SPTBN1: variants seen among roughly 807,000 people sequenced by gnomAD.
SPTBN1 encodes spectrin beta, non-erythrocytic 1, also known as spectrin beta chain, non-erythrocytic 1.
In SPTBN1, 32 loss-of-function variants were observed where a neutral mutation model predicts 266.4. That is an observed-to-expected ratio of 0.12 (90% CI 0.09 to 0.16). The LOEUF is 0.16. Among genes scored for constraint, SPTBN1 ranks in the 10% least tolerant of loss-of-function variants. The probability of loss-of-function intolerance (pLI) is 1.00; values close to 1 mark genes in which losing one functional copy is unlikely to be tolerated. For missense variants in SPTBN1, 2,296 were observed against 3,067.1 expected, an observed-to-expected ratio of 0.75 and a Z score of 5.94; for synonymous variants, 1,336 against 1,162.2, an observed-to-expected ratio of 1.15 and a Z score of -3.04.
At chr2:54,467,976 C>G (rs1387604951) in intron 1 of SPTBN1, among the ~76,000 whole-genome samples, 3 of 152,132 alleles carry the variant, frequency 2.0e-5, no homozygotes, top group Non-Finnish European at 1.5e-5. Context: ...ATTAAAATCA[C>G]TAGATACTAT....
chr2:54,622,573 C>A (rs1489106589), intron 9 of SPTBN1, 86 bp downstream of exon 9: 2 of 1,474,928 alleles, frequency 1.4e-6, no homozygotes, highest in Non-Finnish European at 1.9e-6. Context: ...TTTCTGTAAT[C>A]TCATCTCTTA....
At chr2:54,481,445 GT>G (rs1668101854) in intron 1 of SPTBN1, among the ~76,000 whole-genome samples, 3 of 138,844 alleles carry the variant, frequency 2.2e-5, no homozygotes, top group Admixed American at 7.3e-5. Flanking sequence ...TGTGTGTTTT[GT>G]TTTGTTTGTT....
intron 6 of SPTBN1, 126 bp downstream of exon 6, chr2:54,617,814 C>G (rs751069810): frequency 8.2e-5 from 72 of 880,128 alleles, no homozygotes; most frequent in Non-Finnish European, 1.2e-4. Flanking sequence ...TTTCTGCATT[C>G]CATGTGAGGA....
In SPTBN1 at chr2:54,631,350, C is replaced by T. The variant is rs2103940767; in HGVS notation, c.3303C>T (p.Leu1101=). 6.2e-7 allele frequency: 1 copy of T among 1,614,250 alleles called. No individual in the cohort carries two copies. ...CCCTGACCGAGGCTGAGAAGCTGCT[C>T]ACGCAGCACGAGAACATCAAGAACG... ...PNTLTEAEKL[L]TQHENIKNEI... is the part of the protein sequence containing the mutation. The change falls in exon 16 of 36, where the codon CTC becomes CTT. Residue 1101 remains leucine (L), a synonymous_variant. Transcript: ENST00000356805.
At chr2:54,576,160 T>G (rs1016369588) in intron 2 of SPTBN1, among the ~76,000 whole-genome samples, 2 of 149,830 alleles carry the variant, frequency 1.3e-5, no homozygotes, top group Non-Finnish European at 1.5e-5. Context: ...GTTCAAGCGT[T>G]TCTCCTGCCT....
intron 1 of SPTBN1, among the ~76,000 whole-genome samples, chr2:54,486,742 A>AG (rs1358904622): frequency 1.3e-5 from 2 of 152,024 alleles, no homozygotes; most frequent in Non-Finnish European, 2.9e-5. Flanking sequence ...AAATTAAAAA[A>AG]AAAAAAAGAA....
intron 34 of SPTBN1, 130 bp downstream of exon 34, chr2:54,666,218 T>C: frequency 9.8e-7 from 1 of 1,020,594 alleles, no homozygotes; most frequent in African/African-American, 1.6e-5. Context: ...CCCAATAAAG[T>C]GAAAAACCAG....
chr2:54,558,430 C>G lies in SPTBN1; in HGVS notation c.148+31864C>G. 1 of 1,022,762 alleles carries G rather than the reference C, an allele frequency of 9.8e-7. No individual in the cohort carries two copies. Among genetic ancestry groups the G allele is most frequent in the Non-Finnish European group, 1.2e-6 (1 of 854,684 alleles). The allele number at this position is 1,022,762 out of a possible 1,614,324, so 63.4% of individuals were successfully genotyped here. ...TGCGCCCGCGAGCTCCCGGGCTCGG[C>G]AACCGTGGCATGCTTAGGATTGGCC... On this transcript the variant is annotated intron_variant, in intron 2 of 35. Coordinates refer to ENST00000356805, the MANE Select transcript of SPTBN1 (RefSeq NM_003128.3). This position sits in a 1 kb window ranked among gnomAD's most constrained non-coding sequence, Gnocchi z 4.6.
chr2:54,479,285 A>C (rs898927116), intron 1 of SPTBN1, among the ~76,000 whole-genome samples: 1 of 152,196 alleles, frequency 6.6e-6, no homozygotes, highest in Non-Finnish European at 1.5e-5. Flanking sequence ...CTCCCCCCCA[A>C]GTTGGTTTGT....
chr2:54,639,983 A>G (rs1473173775), intron 18 of SPTBN1, among the ~76,000 whole-genome samples: 1 of 152,102 alleles, frequency 6.6e-6, no homozygotes, highest in Non-Finnish European at 1.5e-5. Context: ...TAGTACAGCC[A>G]TAGTGTCTGT....
intron 4 of SPTBN1, among the ~76,000 whole-genome samples, chr2:54,614,258 C>T (rs1677424378): frequency 6.6e-6 from 1 of 152,058 alleles, no homozygotes; most frequent in Non-Finnish European, 1.5e-5. Context: ...TGTAGATATC[C>T]AGCATATCTA....
intron 2 of SPTBN1, among the ~76,000 whole-genome samples, chr2:54,550,200 C>G (rs953155170): frequency 1.3e-5 from 2 of 152,178 alleles, no homozygotes; most frequent in Admixed American, 6.5e-5. Flanking sequence ...AATCTGGAGC[C>G]TGCCTCCTAC....
chr2:54,618,275 C>G, intron 7 of SPTBN1, 82 bp downstream of exon 7: 2 of 1,212,410 alleles, frequency 1.6e-6, no homozygotes, highest in Non-Finnish European at 2.3e-6. Context: ...TTGTGTCAGT[C>G]TGTTTCATTT....
chr2:54,657,258 A>AC lies in SPTBN1; in HGVS notation c.6047-586dup, dbSNP rs1316856180. ...TTCCCATATCCTTCCCTCCCTCTAA[A>AC]CCCCCCAAAATAAAACACACAACTA... is the stretch of plus-strand genomic sequence containing the variant. On this transcript the variant is annotated intron_variant, in intron 29 of 35. Coordinates refer to ENST00000356805, the MANE Select transcript of SPTBN1 (RefSeq NM_003128.3). Among the ~76,000 whole-genome samples, 11 of 151,848 alleles carry AC rather than the reference A, an allele frequency of 7.2e-5. 1 individual carries two copies. The highest frequency in any genetic ancestry group is 2.4e-4 in the African/African-American group (10 of 41,286).
At chr2:54,562,986 C>G (rs1673419717) in intron 2 of SPTBN1, among the ~76,000 whole-genome samples, 1 of 152,096 alleles carries the variant, frequency 6.6e-6, no homozygotes, top group Non-Finnish European at 1.5e-5. Flanking sequence ...TCAGAGCTTT[C>G]TATATGGAAT....
At chr2:54,474,760 G>A (rs1356930703) in intron 1 of SPTBN1, among the ~76,000 whole-genome samples, 1 of 152,160 alleles carries the variant, frequency 6.6e-6, no homozygotes, top group Non-Finnish European at 1.5e-5. Context: ...TGGGGGAGGG[G>A]AGAATGGATG....
intron 31 of SPTBN1, among the ~76,000 whole-genome samples, 174 bp from the exon 32 acceptor site, chr2:54,659,762 T>G (rs192364268): frequency 6.6e-6 from 1 of 152,338 alleles, no homozygotes; most frequent in Non-Finnish European, 1.5e-5. Context: ...GTCGTATTTT[T>G]CTGTCTAGAG....
At chr2:54,636,395 A>G (rs1378459872) in intron 17 of SPTBN1, among the ~76,000 whole-genome samples, 1 of 152,236 alleles carries the variant, frequency 6.6e-6, no homozygotes, top group Non-Finnish European at 1.5e-5. Flanking sequence ...GTAAATATGT[A>G]TAATTTCTAC....
At chr2:54,469,674 C>T (rs543997708) in intron 1 of SPTBN1, among the ~76,000 whole-genome samples, 52 of 152,294 alleles carry the variant, frequency 3.4e-4, no homozygotes, top group African/African-American at 1.2e-3. Context: ...GTGGTCCCAG[C>T]GGCCTAGGTT....
Sources: allele counts gnomAD v4.1 joint callset (sites outside exome capture counted in the v4.1 genomes callset), GRCh38; gene constraint gnomAD v4.1.1; non-coding constraint Gnocchi (gnomAD v3.1); transcripts MANE v1.5; gene names NCBI Gene and HGNC (gene_info 2026-07-23, HGNC 2026-07-21).